Variants in CROCC2 observed in about 807,000 individuals in gnomAD.
CROCC2 encodes ciliary rootlet coiled-coil protein 2.
Under a neutral mutation model 177.6 loss-of-function variants are expected in CROCC2, and 163 were observed. The observed-to-expected ratio is 0.92, with a 90% CI of 0.81 to 1.05. The LOEUF (loss-of-function observed/expected upper bound fraction) is 1.05. Among genes scored for constraint, CROCC2 ranks in the 50% least tolerant of loss-of-function variants. CROCC2 has a pLI of 0.00. For synonymous variants in CROCC2, 904 were observed against 787.3 expected (o/e 1.15, Z -2.48); for missense variants, 1,929 against 1,797.8 (o/e 1.07, Z -1.32).
chr2:240,911,687 C>A (rs949132425), intron 1 of CROCC2, among the ~76,000 whole-genome samples: 3 of 151,862 alleles, frequency 2.0e-5, no homozygotes, highest in Admixed American at 2.0e-4. Context: ...CCATCCTACT[C>A]TCTGTCTCTA....
chr2:240,989,708 G>A lies in CROCC2; in HGVS notation c.4738G>A (p.Ala1580Thr), dbSNP rs768320502. The A allele has an allele frequency of 1.9e-6, 3 of 1,550,344 alleles. No homozygotes were observed. The highest frequency in any genetic ancestry group is 2.4e-5 in the South Asian group (2 of 84,048). The change falls in exon 30 of 32, where the codon GCT becomes ACT. Residue 1580 changes from alanine (A) to threonine (T), a missense_variant. Coordinates refer to ENST00000690015, the MANE Select transcript of CROCC2 (RefSeq NM_001351305.2). The stretch of plus-strand genomic sequence containing the variant: ...CACCCAGCGGCTCCAGGACCTGACA[G>A]CTCAGCACCAGCGGGACCTGGCCAC... Reference protein sequence around the residue: ...AHTQRLQDLTAQHQRDLATEA... With the variant: ...AHTQRLQDLTTQHQRDLATEA...
chr2:240,981,266 C>A (rs548767199), intron 27 of CROCC2, among the ~76,000 whole-genome samples: 1 of 151,972 alleles, frequency 6.6e-6, no homozygotes, highest in Non-Finnish European at 1.5e-5. Context: ...GGAGCCCAGG[C>A]TCATCCCTGC....
intron 20 of CROCC2, among the ~76,000 whole-genome samples, chr2:240,961,802 T>TACACTCACACTCACACAC (rs1451681652): frequency 5.6e-5 from 1 of 17,776 alleles, no homozygotes; most frequent in African/African-American, 5.1e-4. Flanking sequence ...CACTCACACA[T>TACACTCACACTCACACAC]ACACTCACAT....
chr2:240,935,217 G>A (rs923070638), intron 13 of CROCC2, 141 bp from the exon 14 acceptor site: 5 of 1,201,334 alleles, frequency 4.2e-6, no homozygotes, highest in Non-Finnish European at 5.4e-6. Context: ...CCCTGGCCAG[G>A]CCTGAGGGAG....
rs112324841 is a variant in CROCC2, at chr2:240,959,351, T to G, written c.2994T>G (p.Phe998Leu). The G allele has an allele frequency of 1.9e-5, 30 of 1,550,496 alleles. No homozygotes were observed. In the African/African-American group the frequency reaches 2.7e-4, roughly 14 times the overall value. The stretch of plus-strand genomic sequence containing the variant: ...AGCTGAAGGCCCTCCAGGCCCAGTT[T>G]GAGGATGCCATCACAGCCCATCAGA... ...TEELKALQAQFEDAITAHQRE... is the reference protein window; with the variant it reads ...TEELKALQAQLEDAITAHQRE... Residue 998 changes from phenylalanine (F) to leucine (L), a missense_variant, in exon 20 of 32, where the codon TTT (phenylalanine) becomes TTG (leucine). Physicochemically the swap from Phe to Leu is conservative, Grantham distance 22. Coordinates refer to ENST00000690015, the MANE Select transcript of CROCC2 (RefSeq NM_001351305.2).
chr2:240,948,009 C>T (rs1310494473), intron 15 of CROCC2, among the ~76,000 whole-genome samples: 1 of 152,142 alleles, frequency 6.6e-6, no homozygotes, highest in Non-Finnish European at 1.5e-5. Context: ...CAGCAGAGGC[C>T]ACATCCCTTA....
rs1304191733 is a variant in CROCC2 at position 240,958,086 on chromosome 2, T to C, written c.2944-1215T>C. The C allele has an allele frequency of 1.0e-6, 1 of 985,256 alleles. No individual in the cohort carries two copies. Among genetic ancestry groups the C allele is most frequent in the East Asian group, 1.1e-4 (1 of 8,808 alleles). The allele number at this position is 985,256 out of a possible 1,614,324, so 61.0% of individuals were successfully genotyped here. On this transcript the variant is annotated intron_variant, in intron 19 of 31. Coordinates refer to ENST00000690015, the MANE Select transcript of CROCC2 (RefSeq NM_001351305.2). The surrounding 1 kb of genome is among the most constrained non-coding windows in gnomAD (Gnocchi z 6.7). ...CCTGGGGAGCTCGTTAAGGGTTCCT[T>C]TGCCACCTCGGCTCAGAAAATGGAA... is the stretch of plus-strand genomic sequence containing the variant.
At chr2:240,970,965 C>T (rs1036627698) in intron 27 of CROCC2, among the ~76,000 whole-genome samples, 4 of 152,182 alleles carry the variant, frequency 2.6e-5, no homozygotes, top group Non-Finnish European at 5.9e-5. Context: ...CTGGGTTCAT[C>T]CAGGTGCTTC....
At chr2:240,990,981 C>T (rs1292823268) in intron 30 of CROCC2, among the ~76,000 whole-genome samples, 2 of 152,216 alleles carry the variant, frequency 1.3e-5, no homozygotes, top group Non-Finnish European at 2.9e-5. Flanking sequence ...GTGGGGGATC[C>T]GTGGTGAGAG....
intron 28 of CROCC2, among the ~76,000 whole-genome samples, chr2:240,986,527 G>A (rs1326104237): frequency 6.6e-6 from 1 of 152,256 alleles, no homozygotes; most frequent in African/African-American, 2.4e-5. Context: ...AGCCGAGCCG[G>A]TGTTGCCGGC....
chr2:240,971,023 T>C (rs2059716845), intron 27 of CROCC2, among the ~76,000 whole-genome samples: 1 of 152,124 alleles, frequency 6.6e-6, no homozygotes, highest in African/African-American at 2.4e-5. Context: ...GCTCTTTGCG[T>C]TGTCGGGCTG....
At chr2:240,975,921 G>C (rs964523241) in intron 27 of CROCC2, among the ~76,000 whole-genome samples, 1 of 151,954 alleles carries the variant, frequency 6.6e-6, no homozygotes, top group Non-Finnish European at 1.5e-5. Flanking sequence ...AGTAGGACTG[G>C]GGCTTCATTG....
intron 18 of CROCC2, among the ~76,000 whole-genome samples, chr2:240,952,166 T>A (rs535320456): frequency 4.6e-4 from 70 of 152,098 alleles, no homozygotes; most frequent in African/African-American, 1.5e-3. Context: ...GCCAACATAG[T>A]GAAACCCAGT....
At position 240,958,748 on chromosome 2, in the gene CROCC2, G is replaced by A. The variant is rs930942061; in HGVS notation, c.2944-553G>A. Reference sequence around the variant, plus strand: ...CCCTGCTGCCGCAACCTGGGCAGGGGTGCAGTGGGGAGGGCCTTGAGAGGA... The same window carrying A: ...CCCTGCTGCCGCAACCTGGGCAGGGATGCAGTGGGGAGGGCCTTGAGAGGA... On this transcript the variant is annotated intron_variant, in intron 19 of 31. Transcript: ENST00000690015. This position sits in a 1 kb window ranked among gnomAD's most constrained non-coding sequence, Gnocchi z 6.7. 13 of 235,290 alleles carry A rather than the reference G, an allele frequency of 5.5e-5. 1 individual carries two copies. Among genetic ancestry groups the A allele is most frequent in the Non-Finnish European group, 8.3e-5 (12 of 144,068 alleles). The allele number at this position is 235,290 out of a possible 1,614,324, so 14.6% of individuals were successfully genotyped here. A position where few individuals can be genotyped will look rare whatever the true frequency, so the allele number is the denominator to read the frequency against.
chr2:240,973,540 C>T lies in CROCC2; in HGVS notation c.4401+5278C>T, dbSNP rs1407471285. On this transcript the variant is annotated intron_variant, in intron 27 of 31. Transcript: ENST00000690015. This position sits in a 1 kb window ranked among gnomAD's most constrained non-coding sequence, Gnocchi z 4.7. ...TCCTTCCCCCACTGTGCCCACGTGCCACACCCACCCCCCCAGCTCCCCACA... is the reference window on the plus strand; with the variant it reads ...TCCTTCCCCCACTGTGCCCACGTGCTACACCCACCCCCCCAGCTCCCCACA... Among the ~76,000 whole-genome samples, 5 of 152,072 alleles carry T rather than the reference C, an allele frequency of 3.3e-5. No homozygotes were observed. Among genetic ancestry groups the T allele is most frequent in the Non-Finnish European group, 7.4e-5 (5 of 68,004 alleles).
chr2:240,933,609 G>T, intron 10 of CROCC2, 61 bp from the exon 11 acceptor site: 2 of 1,509,946 alleles, frequency 1.3e-6, no homozygotes, highest in South Asian at 1.3e-5. Context: ...TGCCCACCAA[G>T]GCACGCGGTG....
At position 240,960,550 on chromosome 2, in the gene CROCC2, G is replaced by A. The variant is rs144975505; in HGVS notation, c.3087+1106G>A. ...CAAGGGCAGGAGGGCACGCGGATCT[G>A]GGCTAGAGGAGGGGAGGGTCAGCTG... On this transcript the variant is annotated intron_variant, in intron 20 of 31. Coordinates refer to ENST00000690015, the MANE Select transcript of CROCC2 (RefSeq NM_001351305.2). This position sits in a 1 kb window ranked among gnomAD's most constrained non-coding sequence, Gnocchi z 5.0. Among the ~76,000 whole-genome samples, 76 of 152,260 alleles carry A rather than the reference G, an allele frequency of 5.0e-4. No individual in the cohort carries two copies. The highest frequency in any genetic ancestry group is 9.4e-4 in the Non-Finnish European group (64 of 68,004).
At chr2:240,963,191 A>G in intron 20 of CROCC2, 1 of 244,936 alleles carries the variant, frequency 4.1e-6, no homozygotes, top group Non-Finnish European at 7.9e-6. Flanking sequence ...CGGGGGCAGG[A>G]GGTGGGAAGG....
intron 3 of CROCC2, among the ~76,000 whole-genome samples, chr2:240,921,140 T>C (rs2059355095): frequency 6.6e-6 from 1 of 152,154 alleles, no homozygotes; most frequent in Non-Finnish European, 1.5e-5. Context: ...TGGCCAGTAC[T>C]GAATGCCTGA....
Sources: gnomAD v4.1 joint callset for allele counts (sites outside exome capture counted in the v4.1 genomes callset) on GRCh38, gnomAD v4.1.1 for gene constraint, Gnocchi (gnomAD v3.1) non-coding constraint, MANE v1.5 for transcripts, NCBI Gene and HGNC (gene_info 2026-07-23, HGNC 2026-07-21) for gene names.